Variants in ZFPM2 observed in about 807,000 individuals in gnomAD.
ZFPM2 encodes the protein zinc finger protein, FOG family member 2.
In ZFPM2, 20 loss-of-function variants were observed where a neutral mutation model predicts 98.6. That is an observed-to-expected ratio of 0.20 (90% CI 0.14 to 0.29). The LOEUF is 0.29. Among genes scored for constraint, ZFPM2 ranks in the 10% least tolerant of loss-of-function variants. The pLI, the probability that ZFPM2 is intolerant of heterozygous loss-of-function variation, is 1.00. For missense variants in ZFPM2, 1,310 were observed against 1,388.6 expected, an observed-to-expected ratio of 0.94 and a Z score of 0.90; for synonymous variants, 518 against 502.7, an observed-to-expected ratio of 1.03 and a Z score of -0.41.
At chr8:105,548,664 A>T (rs906431142) in intron 3 of ZFPM2, among the ~76,000 whole-genome samples, 12 of 152,162 alleles carry the variant, frequency 7.9e-5, no homozygotes, top group African/African-American at 2.9e-4. Flanking sequence ...AAGGAAAAAG[A>T]TGGTGTATAT....
intron 3 of ZFPM2, among the ~76,000 whole-genome samples, chr8:105,449,582 TAAGTC>T (rs1368040790): frequency 6.6e-6 from 1 of 152,032 alleles, no homozygotes; most frequent in African/African-American, 2.4e-5. Flanking sequence ...GCTACGCTGA[TAAGTC>T]AGAGTATCCA....
At position 105,442,060 on chromosome 8, in the gene ZFPM2, G is replaced by A. The variant is rs191779836; in HGVS notation, c.200-2220G>A. On this transcript the variant is annotated intron_variant, in intron 2 of 7. Transcript: ENST00000407775. ...TTGTTTTGAAAACTTGGGGCCGGGC[G>A]CGGTGGCTCACGCCTGTAATCCCAC... Among the ~76,000 whole-genome samples the A allele has an allele frequency of 6.4e-3, 971 of 152,118 alleles. 10 individuals are homozygous for A. The highest frequency in any genetic ancestry group is 0.022 in the African/African-American group (924 of 41,490).
chr8:105,788,691 T>C, intron 5 of ZFPM2, 27 bp from the exon 6 acceptor site: 2 of 1,609,742 alleles, frequency 1.2e-6, no homozygotes, highest in Non-Finnish European at 1.7e-6. Context: ...ATGTCAATTT[T>C]ATCTTTTTCT....
At position 105,419,147 on chromosome 8, in the gene ZFPM2, C is replaced by T. The variant is rs200389635; in HGVS notation, c.44C>T (p.Pro15Leu). 8.5e-5 allele frequency: 137 copies of T among 1,610,026 alleles called. No homozygotes were observed. The highest frequency in any genetic ancestry group is 1.0e-4 in the Non-Finnish European group (119 of 1,178,632). ...KQSKPRQIKR[P>L]LEDAIEDEEE... ...GTTTCCCTGATTCTTTTTCAAGGGCCGCTTGAAGATGCCATTGAAGATGAG... is the reference window on the plus strand; with the variant it reads ...GTTTCCCTGATTCTTTTTCAAGGGCTGCTTGAAGATGCCATTGAAGATGAG... The change falls in exon 2 of 8, where the codon CCG becomes CTG. Residue 15 changes from proline to leucine, a missense_variant. Physicochemically the swap from Pro to Leu is moderately conservative, Grantham distance 98 (BLOSUM62 -3). Coordinates refer to ENST00000407775, the MANE Select transcript of ZFPM2 (RefSeq NM_012082.4).
At chr8:105,399,504 T>C (rs1325892153) in intron 1 of ZFPM2, among the ~76,000 whole-genome samples, 1 of 152,122 alleles carries the variant, frequency 6.6e-6, no homozygotes, top group African/African-American at 2.4e-5. Context: ...AAGTGTGCAT[T>C]TAATCGTTTA....
intron 4 of ZFPM2, among the ~76,000 whole-genome samples, chr8:105,591,227 T>G (rs1374473881): frequency 6.6e-6 from 1 of 151,954 alleles, no homozygotes; most frequent in African/African-American, 2.4e-5. Flanking sequence ...GATTAAATTT[T>G]CAGAACTTCT....
At chr8:105,588,061 A>AT (rs1160023362) in intron 4 of ZFPM2, among the ~76,000 whole-genome samples, 1 of 152,064 alleles carries the variant, frequency 6.6e-6, no homozygotes, top group Non-Finnish European at 1.5e-5. Flanking sequence ...GCCTTTAAAA[A>AT]TTTTTTTTCC....
chr8:105,693,352 A>C (rs933360490), intron 5 of ZFPM2, among the ~76,000 whole-genome samples: 1 of 152,138 alleles, frequency 6.6e-6, no homozygotes, highest in Non-Finnish European at 1.5e-5. Context: ...CTTGTCGGCA[A>C]CTCGCGTTGG....
At chr8:105,735,740 G>A (rs1812053208) in intron 5 of ZFPM2, among the ~76,000 whole-genome samples, 1 of 151,868 alleles carries the variant, frequency 6.6e-6, no homozygotes, top group Non-Finnish European at 1.5e-5. Flanking sequence ...ACTTCATTAT[G>A]GGTGGAAGTG....
chr8:105,544,035 C>G (rs934556155), intron 3 of ZFPM2, among the ~76,000 whole-genome samples: 2 of 152,118 alleles, frequency 1.3e-5, no homozygotes, highest in Non-Finnish European at 2.9e-5. Context: ...TTTTGGAGGC[C>G]TGCCTTTTGA....
intron 5 of ZFPM2, among the ~76,000 whole-genome samples, chr8:105,699,028 A>G (rs1217782785): frequency 6.6e-6 from 1 of 152,226 alleles, no homozygotes; most frequent in African/African-American, 2.4e-5. Flanking sequence ...AAAAATGAGC[A>G]CATAAGTTAT....
Position 105,344,790 on chromosome 8 carries a change from T to A in ZFPM2, c.40+25809T>A, listed in dbSNP as rs1021167784. Among the ~76,000 whole-genome samples, 5 of 152,268 alleles carry A rather than the reference T, an allele frequency of 3.3e-5. No homozygotes were observed. In the Middle Eastern group the frequency reaches 0.014, roughly 420 times the overall value. On this transcript the variant is annotated intron_variant, in intron 1 of 7. Transcript: ENST00000407775. ...AGCCATTGTCCTTTATATCAAGTTA[T>A]GGACAATGTAATGGAGGAAGCTGAG...
intron 1 of ZFPM2, among the ~76,000 whole-genome samples, chr8:105,342,985 G>A (rs1812457480): frequency 1.3e-5 from 2 of 152,004 alleles, no homozygotes; most frequent in African/African-American, 2.4e-5. Context: ...GCTGAGAGGG[G>A]ACATACTACA....
chr8:105,591,084 G>A lies in ZFPM2; in HGVS notation c.420+29603G>A, dbSNP rs574641694. On this transcript the variant is annotated intron_variant, in intron 4 of 7. Coordinates refer to ENST00000407775, the MANE Select transcript of ZFPM2 (RefSeq NM_012082.4). The stretch of plus-strand genomic sequence containing the variant: ...CAGACTTAACTCCACACTAAAGCTC[G>A]GAGCCTTAGCTTAATATTCACAGAT... Among the ~76,000 whole-genome samples the A allele has an allele frequency of 2.0e-5, 3 of 152,096 alleles. No individual in the cohort carries two copies. The East Asian group carries it at 5.8e-4, about 29-fold the overall frequency.
rs115321937 is a variant in ZFPM2, at chr8:105,707,465, G to A, written c.532+73108G>A. On this transcript the variant is annotated intron_variant, in intron 5 of 7. Coordinates refer to ENST00000407775, the MANE Select transcript of ZFPM2 (RefSeq NM_012082.4). ...ATCTAATTATAAATATGCATCTGATGTACCTCATTTAACATGGCATTTGGG... is the reference window on the plus strand; with the variant it reads ...ATCTAATTATAAATATGCATCTGATATACCTCATTTAACATGGCATTTGGG... 3.9e-3 allele frequency among the ~76,000 whole-genome samples: 594 copies of A among 152,220 alleles called. 6 individuals are homozygous for A. Among genetic ancestry groups the A allele is most frequent in the African/African-American group, 0.013 (536 of 41,528 alleles).
chr8:105,788,126 T>TAA, intron 5 of ZFPM2, among the ~76,000 whole-genome samples: 1 of 152,276 alleles, frequency 6.6e-6, no homozygotes, highest in African/African-American at 2.4e-5. Context: ...ATTATATAAG[T>TAA]AAAGATTATT....
At chr8:105,329,220 G>A (rs571901093) in intron 1 of ZFPM2, among the ~76,000 whole-genome samples, 3 of 151,952 alleles carry the variant, frequency 2.0e-5, no homozygotes, top group South Asian at 2.1e-4. Context: ...TGGCTTTTGC[G>A]ATAGAAGATG....
intron 5 of ZFPM2, chr8:105,785,074 TG>T (rs1813373558): frequency 7.8e-6 from 1 of 128,414 alleles, no homozygotes; most frequent in Admixed American, 7.2e-5. Context: ...CAAGTTTCTT[TG>T]GTGATCCTCT....
At chr8:105,472,541 C>T (rs1301316306) in intron 3 of ZFPM2, among the ~76,000 whole-genome samples, 4 of 152,252 alleles carry the variant, frequency 2.6e-5, no homozygotes, top group East Asian at 1.9e-4. Flanking sequence ...CTCACTCTGT[C>T]GCCCAGGCTG....
Sources: allele counts gnomAD v4.1 joint callset (sites outside exome capture counted in the v4.1 genomes callset), GRCh38; gene constraint gnomAD v4.1.1; transcripts MANE v1.5; gene names NCBI Gene and HGNC (gene_info 2026-07-23, HGNC 2026-07-21).